The following FOXN3 variants were observed in gnomAD, a reference collection of about 807,000 sequenced individuals.
FOXN3 encodes the protein forkhead box protein N3.
In FOXN3, 7 loss-of-function variants were observed where a neutral mutation model predicts 38.4. That is an observed-to-expected ratio of 0.18 (90% confidence interval 0.10 to 0.34). The LOEUF is 0.34. Ranked by LOEUF, FOXN3 falls within the 10% of genes least tolerant of loss-of-function variation. The probability of loss-of-function intolerance (pLI) is 1.00; values close to 1 mark genes in which losing one functional copy is unlikely to be tolerated. For missense variants in FOXN3, 456 were observed against 613.4 expected (o/e 0.74, Z 2.71); for synonymous variants, 230 against 242.2 (o/e 0.95, Z 0.47).
At chr14:89,574,721 T>C (rs1371622258) in intron 1 of FOXN3, among the ~76,000 whole-genome samples, 2 of 152,186 alleles carry the variant, frequency 1.3e-5, no homozygotes, top group African/African-American at 4.8e-5. Context: ...CTGATCGTCC[T>C]ACAGGCAGTG....
At chr14:89,465,721 G>T (rs555238990) in intron 1 of FOXN3, among the ~76,000 whole-genome samples, 2 of 152,174 alleles carry the variant, frequency 1.3e-5, no homozygotes, top group African/African-American at 2.4e-5. Context: ...TTCAGGTACT[G>T]AGAGGCTATG....
chr14:89,238,637 T>C (rs1289878748), intron 4 of FOXN3, among the ~76,000 whole-genome samples: 1 of 152,230 alleles, frequency 6.6e-6, no homozygotes, highest in South Asian at 2.1e-4. Context: ...TTTTATTTTT[T>C]ATCTAGTTCA....
At chr14:89,199,781 G>A (rs1029654302) in intron 4 of FOXN3, among the ~76,000 whole-genome samples, 1 of 152,058 alleles carries the variant, frequency 6.6e-6, no homozygotes, top group African/African-American at 2.4e-5. Flanking sequence ...GTGGGTGCCT[G>A]TAGTCCCAGC....
intron 4 of FOXN3, among the ~76,000 whole-genome samples, chr14:89,221,313 A>C (rs1884454209): frequency 6.6e-6 from 1 of 152,194 alleles, no homozygotes; most frequent in Non-Finnish European, 1.5e-5. Flanking sequence ...AACATTTTGC[A>C]CACCACAGAG....
chr14:89,520,065 G>C (rs1378042822), intron 1 of FOXN3, among the ~76,000 whole-genome samples: 1 of 149,962 alleles, frequency 6.7e-6, no homozygotes, highest in Admixed American at 6.7e-5. Flanking sequence ...CCAGGCTGGA[G>C]TGCAGCGGCA....
At chr14:89,313,555 TTA>T (rs1887631794) in intron 3 of FOXN3, among the ~76,000 whole-genome samples, 16 of 135,274 alleles carry the variant, frequency 1.2e-4, no homozygotes, top group Admixed American at 3.0e-4. Flanking sequence ...AGATGCTGTC[TTA>T]AAAAAAAAAA....
chr14:89,383,054 T>TC (rs1890702230), intron 2 of FOXN3, among the ~76,000 whole-genome samples: 1 of 125,170 alleles, frequency 8.0e-6, no homozygotes, highest in Non-Finnish European at 1.7e-5. Context: ...TTTTTTTTTT[T>TC]CCTTTTTTGG....
At chr14:89,453,303 T>A (rs1596279899) in intron 1 of FOXN3, among the ~76,000 whole-genome samples, 1 of 151,992 alleles carries the variant, frequency 6.6e-6, no homozygotes, top group African/African-American at 2.4e-5. Context: ...AAGCCTGTAA[T>A]CCCAGCACTT....
chr14:89,169,382 A>C (rs1887327843), intron 5 of FOXN3, among the ~76,000 whole-genome samples: 1 of 152,192 alleles, frequency 6.6e-6, no homozygotes. Flanking sequence ...CTGAGGCTGC[A>C]GTGAGCTGTG....
intron 1 of FOXN3, among the ~76,000 whole-genome samples, chr14:89,451,243 G>A (rs1297725332): frequency 2.0e-5 from 3 of 152,186 alleles, no homozygotes; most frequent in African/African-American, 7.2e-5. Flanking sequence ...GACACCCAAG[G>A]AGGTATGGTA....
intron 4 of FOXN3, among the ~76,000 whole-genome samples, chr14:89,216,963 T>A (rs765288915): frequency 6.6e-6 from 1 of 152,180 alleles, no homozygotes; most frequent in Non-Finnish European, 1.5e-5. Flanking sequence ...TCTTATTCTC[T>A]ATATCTGCCC....
chr14:89,507,066 A>G (rs1420826308), intron 1 of FOXN3, among the ~76,000 whole-genome samples: 2 of 148,502 alleles, frequency 1.3e-5, no homozygotes, highest in African/African-American at 2.5e-5. Context: ...TCCCTCCACT[A>G]TTGTCCTATG....
chr14:89,292,137 C>A (rs761871053), intron 3 of FOXN3, among the ~76,000 whole-genome samples: 1 of 152,146 alleles, frequency 6.6e-6, no homozygotes, highest in Non-Finnish European at 1.5e-5. Context: ...TTTCTGCCTG[C>A]GCGTGCATCT....
At chr14:89,307,375 T>C (rs1239794342) in intron 3 of FOXN3, among the ~76,000 whole-genome samples, 5 of 152,340 alleles carry the variant, frequency 3.3e-5, no homozygotes, top group South Asian at 2.1e-4. Context: ...TCTACACCTT[T>C]TTTTAAGCTG....
chr14:89,298,236 T>C (rs1258612733), intron 3 of FOXN3, among the ~76,000 whole-genome samples: 5 of 152,078 alleles, frequency 3.3e-5, no homozygotes, highest in Admixed American at 3.3e-4. Flanking sequence ...CTAGAGTCAT[T>C]AAACTCATAG....
intron 2 of FOXN3, among the ~76,000 whole-genome samples, chr14:89,366,779 G>A (rs755851468): frequency 5.9e-5 from 9 of 152,118 alleles, no homozygotes; most frequent in Admixed American, 2.6e-4. Context: ...AGTAACAAAC[G>A]AGTCAGGTTT....
intron 1 of FOXN3, among the ~76,000 whole-genome samples, chr14:89,511,237 CTT>C (rs1419720103): frequency 0.099 from 2,534 of 25,724 alleles, 770 homozygotes; most frequent in African/African-American, 0.13. Context: ...CTTTTCTTTC[CTT>C]TTCTTTCTTT....
intron 3 of FOXN3, among the ~76,000 whole-genome samples, chr14:89,314,449 TATCTC>T (rs1382873740): frequency 1.3e-4 from 20 of 152,288 alleles, no homozygotes; most frequent in South Asian, 8.3e-4. Context: ...CTTCATTTCT[TATCTC>T]AGCTCAACCA....
intron 1 of FOXN3, among the ~76,000 whole-genome samples, chr14:89,617,320 AT>A (rs1449493785): frequency 2.0e-5 from 3 of 152,240 alleles, no homozygotes; most frequent in Non-Finnish European, 4.4e-5. Flanking sequence ...ACTAATTCAT[AT>A]TCTTATATGG....
Sources: allele counts gnomAD v4.1 joint callset (sites outside exome capture counted in the v4.1 genomes callset), GRCh38; gene constraint gnomAD v4.1.1; transcripts MANE v1.5; gene names NCBI Gene and HGNC (gene_info 2026-07-23, HGNC 2026-07-21).